SCAPER: variants seen among roughly 807,000 people sequenced by gnomAD.
SCAPER encodes S phase cyclin A-associated protein in the endoplasmic reticulum.
SCAPER carries 98 observed loss-of-function variants against 182.2 expected under a neutral mutation model. The observed-to-expected ratio is 0.54, with a 90% CI of 0.46 to 0.64. The LOEUF is 0.64. Among genes scored for constraint, SCAPER ranks in the 30% least tolerant of loss-of-function variants. The pLI is 0.00. For synonymous variants in SCAPER, 605 were observed against 564.6 expected (o/e 1.07, Z -1.01); for missense variants, 1,432 against 1,690.0 (o/e 0.85, Z 2.68).
Position 76,600,129 on chromosome 15 carries a change from CA to C in SCAPER, c.2711+21634del, listed in dbSNP as rs1423923715. On this transcript the variant is annotated intron_variant, in intron 22 of 31. Transcript: ENST00000563290. ...TATATGTAGAGGATACATAAGTTTC[CA>C]CAGTAAAATTCTTTCCAACTTTTCT... Among the ~76,000 whole-genome samples the C allele has an allele frequency of 7.5e-5, 9 of 119,994 alleles. 4 individuals carry two copies. Among genetic ancestry groups the C allele is most frequent in the Non-Finnish European group, 1.8e-4 (9 of 49,552 alleles). 78.7% of individuals were successfully genotyped at this position (119,994 alleles called of 152,430 possible).
chr15:76,779,958 C>G (rs888022657), intron 8 of SCAPER, among the ~76,000 whole-genome samples: 1 of 152,206 alleles, frequency 6.6e-6, no homozygotes, highest in Admixed American at 6.5e-5. Context: ...CAGCTCCCAG[C>G]GTGATCGACG....
intron 26 of SCAPER, among the ~76,000 whole-genome samples, chr15:76,415,053 C>T (rs2045558624): frequency 6.6e-6 from 1 of 152,152 alleles, no homozygotes; most frequent in African/African-American, 2.4e-5. Flanking sequence ...TGCTCAACCT[C>T]ACTAGTGATA....
intron 20 of SCAPER, among the ~76,000 whole-genome samples, chr15:76,667,625 CAAAAAAAAAAAAAAAAAAAAAAAAAAAA>C (rs775463270): frequency 3.6e-5 from 1 of 27,454 alleles, no homozygotes; most frequent in Admixed American, 6.7e-4. Flanking sequence ...GACTCAGTCT[CAAAAAAAAAAAAAAAAAAAAAAAAAAAA>C]AAAAAAAAAC....
At chr15:76,551,131 AT>A (rs2045734493) in intron 23 of SCAPER, among the ~76,000 whole-genome samples, 1 of 152,104 alleles carries the variant, frequency 6.6e-6, no homozygotes, top group Non-Finnish European at 1.5e-5. Flanking sequence ...TAGTAGAGCC[AT>A]TATGAAAATC....
At position 76,399,232 on chromosome 15, in the gene SCAPER, G is replaced by A. The variant is rs1312087440; in HGVS notation, c.3467+5292C>T. Among the ~76,000 whole-genome samples the A allele has an allele frequency of 2.6e-5, 4 of 152,174 alleles. No individual in the cohort carries two copies. The South Asian group carries it at 6.2e-4, about 24-fold the overall frequency. On this transcript the variant is annotated intron_variant, in intron 27 of 31. Coordinates refer to ENST00000563290, the MANE Select transcript of SCAPER (RefSeq NM_020843.4). ...GGCTCGCTGCAACCTCCGCCTCCTG[G>A]GTTCAAGCAATTCTCCTGCCTCAGC...
intron 9 of SCAPER, among the ~76,000 whole-genome samples, chr15:76,773,300 T>C (rs530435448): frequency 6.6e-6 from 1 of 152,034 alleles, no homozygotes; most frequent in East Asian, 1.9e-4. Flanking sequence ...TGAACTTTTA[T>C]ACTGAAAAAT....
chr15:76,609,140 C>T (rs1206178120), intron 22 of SCAPER, among the ~76,000 whole-genome samples: 1 of 152,142 alleles, frequency 6.6e-6, no homozygotes, highest in African/African-American at 2.4e-5. Flanking sequence ...TAGACTGGAG[C>T]TGTTCCTATT....
chr15:76,430,529 G>C (rs1416438377), intron 26 of SCAPER, among the ~76,000 whole-genome samples: 1 of 152,198 alleles, frequency 6.6e-6, no homozygotes, highest in African/African-American at 2.4e-5. Context: ...GGAGTCAAAA[G>C]AGATCATTTT....
At chr15:76,776,198 A>C (rs1222765453) in intron 8 of SCAPER, among the ~76,000 whole-genome samples, 2 of 152,198 alleles carry the variant, frequency 1.3e-5, no homozygotes, top group Non-Finnish European at 2.9e-5. Context: ...CAAAAACATC[A>C]ATAGGCAAAG....
intron 20 of SCAPER, among the ~76,000 whole-genome samples, chr15:76,699,396 G>A (rs576053689): frequency 6.6e-6 from 1 of 152,244 alleles, no homozygotes; most frequent in Admixed American, 6.5e-5. Flanking sequence ...GTTGGCTGTG[G>A]GGTTGTCATA....
intron 21 of SCAPER, among the ~76,000 whole-genome samples, chr15:76,646,993 G>A (rs1029338503): frequency 5.3e-5 from 8 of 152,164 alleles, no homozygotes; most frequent in African/African-American, 1.7e-4. Flanking sequence ...ATTTATGATA[G>A]TAATATGCAA....
intron 6 of SCAPER, 45 bp downstream of exon 6, chr15:76,804,488 G>C (rs367860395): frequency 7.6e-7 from 1 of 1,316,504 alleles, no homozygotes; most frequent in Non-Finnish European, 1.1e-6. Flanking sequence ...GATTGCTATT[G>C]AAACTGCTGG....
At chr15:76,386,449 T>C (rs2043295161) in intron 27 of SCAPER, among the ~76,000 whole-genome samples, 3 of 152,176 alleles carry the variant, frequency 2.0e-5, no homozygotes, top group African/African-American at 7.2e-5. Context: ...CTATGACCTT[T>C]TTCTCATAAA....
chr15:76,476,622 T>TA, intron 24 of SCAPER, among the ~76,000 whole-genome samples: 1 of 141,078 alleles, frequency 7.1e-6, no homozygotes. Flanking sequence ...TTTTTTTTTT[T>TA]TGTAGAGACA....
intron 23 of SCAPER, among the ~76,000 whole-genome samples, chr15:76,565,858 T>C (rs577289767): frequency 2.6e-5 from 4 of 152,318 alleles, no homozygotes; most frequent in African/African-American, 9.6e-5. Context: ...TTGGGCTATA[T>C]ACTTGTCACC....
chr15:76,561,715 A>C (rs1458646489), intron 23 of SCAPER, among the ~76,000 whole-genome samples: 1 of 148,892 alleles, frequency 6.7e-6, no homozygotes. Flanking sequence ...TCTCTACCTC[A>C]CTTTTTTTTT....
chr15:76,580,221 A>G (rs2048167035), intron 22 of SCAPER, among the ~76,000 whole-genome samples: 2 of 152,178 alleles, frequency 1.3e-5, no homozygotes, highest in Non-Finnish European at 2.9e-5. Context: ...AAGAATACAC[A>G]TTCTTCTCCT....
intron 22 of SCAPER, among the ~76,000 whole-genome samples, chr15:76,611,979 C>T (rs1356292264): frequency 6.6e-6 from 1 of 152,134 alleles, no homozygotes; most frequent in African/African-American, 2.4e-5. Context: ...AAACCCACAG[C>T]CAACATTGCA....
Position 76,885,344 on chromosome 15 carries a change from T to C in SCAPER, c.-59-1468A>G, listed in dbSNP as rs112366139. The stretch of plus-strand genomic sequence containing the variant: ...AGCATTCACTGTACTCCAATCACAC[T>C]GGCCTCCTTATGCTTCCCAGCATGC... On this transcript the variant is annotated intron_variant, in intron 1 of 31. Coordinates refer to ENST00000563290, the MANE Select transcript of SCAPER (RefSeq NM_020843.4). Among the ~76,000 whole-genome samples the C allele has an allele frequency of 4.4e-3, 664 of 152,332 alleles. 7 individuals are homozygous for C. Among genetic ancestry groups the C allele is most frequent in the African/African-American group, 0.015 (633 of 41,576 alleles).
Sources: allele counts gnomAD v4.1 joint callset (sites outside exome capture counted in the v4.1 genomes callset), GRCh38; gene constraint gnomAD v4.1.1; transcripts MANE v1.5; gene names NCBI Gene and HGNC (gene_info 2026-07-23, HGNC 2026-07-21).